GPC5: variants seen among roughly 807,000 people sequenced by gnomAD.
GPC5 encodes glypican-5.
Under a neutral mutation model 53.9 loss-of-function variants are expected in GPC5, and 47 were observed. The observed-to-expected ratio is 0.87, with a 90% CI of 0.69 to 1.11. The LOEUF is 1.11. Among genes scored for constraint, GPC5 ranks in the 50% most tolerant of loss-of-function variants. GPC5 has a pLI of 0.00. For missense variants in GPC5, 748 were observed against 713.1 expected, an observed-to-expected ratio of 1.05 and a Z score of -0.56; for synonymous variants, 286 against 263.3, an observed-to-expected ratio of 1.09 and a Z score of -0.84.
At chr13:91,967,773 G>T (rs926739489) in intron 6 of GPC5, among the ~76,000 whole-genome samples, 1 of 151,868 alleles carries the variant, frequency 6.6e-6, no homozygotes, top group African/African-American at 2.4e-5. Context: ...CTTTTTAAAA[G>T]TTTCTTAATA....
intron 2 of GPC5, among the ~76,000 whole-genome samples, chr13:91,612,174 G>A (rs899326483): frequency 2.0e-5 from 3 of 152,130 alleles, no homozygotes; most frequent in African/African-American, 4.8e-5. Flanking sequence ...TTGTTTGGCT[G>A]GGACAAGACC....
At chr13:92,024,731 T>C (rs1341225612) in intron 6 of GPC5, among the ~76,000 whole-genome samples, 1 of 152,166 alleles carries the variant, frequency 6.6e-6, no homozygotes, top group Non-Finnish European at 1.5e-5. Flanking sequence ...ACCAAACACA[T>C]ACTTATTGGT....
In GPC5 at chr13:92,819,299, A is replaced by T. The variant is rs547271824; in HGVS notation, c.1562-46983A>T. 4.0e-5 allele frequency among the ~76,000 whole-genome samples: 6 copies of T among 150,534 alleles called. No individual in the cohort carries two copies. In the South Asian group the frequency reaches 1.2e-3, roughly 31 times the overall value. On this transcript the variant is annotated intron_variant, in intron 7 of 7. Transcript: ENST00000377067. ...AAATGATTTGACTTATATTACTTTC[A>T]TACAATGTTCTATATGTGGACTTCA...
intron 7 of GPC5, among the ~76,000 whole-genome samples, chr13:92,551,034 T>C (rs994797748): frequency 6.6e-6 from 1 of 151,918 alleles, no homozygotes; most frequent in Non-Finnish European, 1.5e-5. Context: ...GCACAGAAGA[T>C]GCAGAAAACA....
intron 7 of GPC5, among the ~76,000 whole-genome samples, chr13:92,232,546 TATACC>T (rs2042538642): frequency 6.6e-6 from 1 of 152,236 alleles, no homozygotes; most frequent in South Asian, 2.1e-4. Flanking sequence ...TATGTATTGG[TATACC>T]AGACTCATAT....
chr13:92,373,176 C>T (rs940651098), intron 7 of GPC5, among the ~76,000 whole-genome samples: 7 of 152,110 alleles, frequency 4.6e-5, no homozygotes, highest in East Asian at 3.9e-4. Context: ...CAGGTGTCAA[C>T]ACAATTGGCT....
intron 7 of GPC5, among the ~76,000 whole-genome samples, chr13:92,558,106 A>C (rs886662560): frequency 6.6e-6 from 1 of 151,968 alleles, no homozygotes; most frequent in Non-Finnish European, 1.5e-5. Context: ...TCAAAAGAAG[A>C]TTAACACTGG....
At chr13:91,626,589 A>G (rs1359863809) in intron 2 of GPC5, among the ~76,000 whole-genome samples, 1 of 152,136 alleles carries the variant, frequency 6.6e-6, no homozygotes, top group Admixed American at 6.6e-5. Flanking sequence ...GGCGGTCGAT[A>G]TCACATGAAG....
In GPC5 at chr13:92,147,407, GT is replaced by G. The variant is rs569034141; in HGVS notation, c.1561+2419del. ...TTTGTGTGTGAGTGTGTGTGCATAT[GT>G]GTGTATAAATAGTATATTTATAGGA... is the stretch of plus-strand genomic sequence containing the variant. On this transcript the variant is annotated intron_variant, in intron 7 of 7. Coordinates refer to ENST00000377067, the MANE Select transcript of GPC5 (RefSeq NM_004466.6). Among the ~76,000 whole-genome samples, 3 of 152,086 alleles carry G rather than the reference GT, an allele frequency of 2.0e-5. No individual in the cohort carries two copies. In the South Asian group the frequency reaches 6.2e-4, roughly 32 times the overall value.
At chr13:92,670,141 T>C (rs1248104424) in intron 7 of GPC5, among the ~76,000 whole-genome samples, 1 of 152,110 alleles carries the variant, frequency 6.6e-6, no homozygotes, top group Non-Finnish European at 1.5e-5. Flanking sequence ...AATTAATGGC[T>C]GTTGTACGCA....
At chr13:92,335,005 G>A (rs2043312509) in intron 7 of GPC5, among the ~76,000 whole-genome samples, 1 of 152,078 alleles carries the variant, frequency 6.6e-6, no homozygotes, top group Non-Finnish European at 1.5e-5. Flanking sequence ...CCATTCTGGG[G>A]TCTGGAGGAT....
intron 7 of GPC5, among the ~76,000 whole-genome samples, chr13:92,513,701 TG>T (rs1400813277): frequency 2.6e-5 from 4 of 152,130 alleles, no homozygotes; most frequent in Non-Finnish European, 1.5e-5. Context: ...TTGGGGGGTT[TG>T]GGAATGTGTG....
At chr13:92,564,030 A>T (rs1241855550) in intron 7 of GPC5, among the ~76,000 whole-genome samples, 1 of 152,068 alleles carries the variant, frequency 6.6e-6, no homozygotes, top group Non-Finnish European at 1.5e-5. Flanking sequence ...CATCCCAGTT[A>T]AAGAGAAAAG....
intron 7 of GPC5, among the ~76,000 whole-genome samples, chr13:92,760,678 A>G (rs1875129478): frequency 6.7e-6 from 1 of 148,630 alleles, no homozygotes; most frequent in South Asian, 2.1e-4. Context: ...GATTTTTATT[A>G]TTGCCTTCCC....
chr13:91,754,120 T>C (rs1045435935), intron 4 of GPC5, among the ~76,000 whole-genome samples: 4 of 152,186 alleles, frequency 2.6e-5, no homozygotes, highest in African/African-American at 9.6e-5. Flanking sequence ...AACCTCACTT[T>C]TGTGGGACCC....
At chr13:91,580,340 G>A (rs927157082) in intron 2 of GPC5, among the ~76,000 whole-genome samples, 13 of 152,244 alleles carry the variant, frequency 8.5e-5, no homozygotes, top group South Asian at 2.1e-4. Context: ...GTGAGCCACC[G>A]TGCCTGGCTT....
rs548504650 is a variant in GPC5, at chr13:92,309,963, A to AC, written c.1561+164975dup. 6.0e-3 allele frequency among the ~76,000 whole-genome samples: 910 copies of AC among 151,948 alleles called. 9 individuals carry two copies. Among genetic ancestry groups the AC allele is most frequent in the African/African-American group, 0.021 (870 of 41,456 alleles). On this transcript the variant is annotated intron_variant, in intron 7 of 7. Coordinates refer to ENST00000377067, the MANE Select transcript of GPC5 (RefSeq NM_004466.6). ...TCTTCTCTCTCCTTTCATGAGTCTG[A>AC]CTTTTTTTAGAATCCACAGGTAAGA...
chr13:91,475,369 T>C (rs1346284611), intron 2 of GPC5, among the ~76,000 whole-genome samples: 1 of 152,190 alleles, frequency 6.6e-6, no homozygotes, highest in African/African-American at 2.4e-5. Context: ...GATTTGATTC[T>C]GGTCAGAAAG....
intron 4 of GPC5, among the ~76,000 whole-genome samples, chr13:91,751,609 C>T (rs2037178376): frequency 6.6e-6 from 1 of 152,156 alleles, no homozygotes; most frequent in African/African-American, 2.4e-5. Flanking sequence ...TACATAAATT[C>T]TGCCTACATT....
Sources: gnomAD v4.1 joint callset for allele counts (sites outside exome capture counted in the v4.1 genomes callset) on GRCh38, gnomAD v4.1.1 for gene constraint, MANE v1.5 for transcripts, NCBI Gene and HGNC (gene_info 2026-07-23, HGNC 2026-07-21) for gene names.